Variants in SEL1L3 observed in about 807,000 individuals in gnomAD.
The protein encoded by SEL1L3 is SEL1L family member 3.
SEL1L3 carries 76 observed loss-of-function variants against 142.8 expected under a neutral mutation model. The ratio of observed to expected loss-of-function variants is 0.53; its 90% confidence interval spans 0.44 to 0.64. SEL1L3 has a LOEUF of 0.64. Ranked by LOEUF, SEL1L3 falls within the 30% of genes least tolerant of loss-of-function variation. SEL1L3 has a pLI of 0.00. For synonymous variants in SEL1L3, 504 were observed against 519.6 expected, an observed-to-expected ratio of 0.97 and a Z score of 0.41; for missense variants, 1,262 against 1,381.7, an observed-to-expected ratio of 0.91 and a Z score of 1.37.
At position 25,755,251 on chromosome 4, in the gene SEL1L3, TTTTTATTTTATTTTA is replaced by T. The variant is rs57302921; in HGVS notation, c.3259+2268_3259+2282del. Among the ~76,000 whole-genome samples, 85 of 148,968 alleles carry T rather than the reference TTTTTATTTTATTTTA, an allele frequency of 5.7e-4. 1 individual carries two copies. The highest frequency in any genetic ancestry group is 2.0e-3 in the African/African-American group (80 of 40,050). On this transcript the variant is annotated intron_variant, in intron 23 of 23. Coordinates refer to ENST00000399878, the MANE Select transcript of SEL1L3 (RefSeq NM_015187.5). ...GGCATGTGCAATGACACCTGGCTAA[TTTTTATTTTATTTTA>T]TTTTATTTTATTTTATTTTAGAAAT...
chr4:25,758,803 G>A (rs760169383), intron 21 of SEL1L3, 138 bp downstream of exon 21: 53 of 893,658 alleles, frequency 5.9e-5, no homozygotes, highest in Middle Eastern at 5.6e-4. Flanking sequence ...TATGAGCCAC[G>A]GTGCCCTGCT....
chr4:25,859,852 T>A (rs1234829556), intron 1 of SEL1L3, among the ~76,000 whole-genome samples: 1 of 152,222 alleles, frequency 6.6e-6, no homozygotes, highest in Non-Finnish European at 1.5e-5. Flanking sequence ...TTCTATTCTG[T>A]GGCCTGCGCT....
chr4:25,760,698 C>T (rs1296194398), intron 20 of SEL1L3, among the ~76,000 whole-genome samples: 1 of 152,194 alleles, frequency 6.6e-6, no homozygotes, highest in Non-Finnish European at 1.5e-5. Context: ...TGACCGCAAT[C>T]TAAATGAAAA....
chr4:25,766,643 C>T (rs1463325699), intron 19 of SEL1L3, among the ~76,000 whole-genome samples: 3 of 152,068 alleles, frequency 2.0e-5, no homozygotes, highest in African/African-American at 7.2e-5. Context: ...ACTTGGGGAC[C>T]AGAGGGTGCC....
chr4:25,741,762 T>C, the SEL1L3 span, among the ~76,000 whole-genome samples: 1 of 151,724 alleles, frequency 6.6e-6, no homozygotes, highest in African/African-American at 2.4e-5. Context: ...AGAAATCTTT[T>C]GTCATTCAAA....
chr4:25,850,247 G>A (rs912452492), intron 1 of SEL1L3, among the ~76,000 whole-genome samples: 5 of 152,196 alleles, frequency 3.3e-5, no homozygotes, highest in Non-Finnish European at 7.3e-5. Flanking sequence ...AGGGGGTGGT[G>A]TCTCCCTTTT....
chr4:25,857,302 C>A (rs567981047), intron 1 of SEL1L3, among the ~76,000 whole-genome samples: 1 of 152,176 alleles, frequency 6.6e-6, no homozygotes, highest in African/African-American at 2.4e-5. Flanking sequence ...TGAGAGCTGG[C>A]CAGAGCCACA....
At chr4:25,798,357 G>A (rs1349203607) in intron 11 of SEL1L3, among the ~76,000 whole-genome samples, 1 of 152,126 alleles carries the variant, frequency 6.6e-6, no homozygotes, top group African/African-American at 2.4e-5. Flanking sequence ...ACACATACAC[G>A]TACACATGTA....
intron 14 of SEL1L3, among the ~76,000 whole-genome samples, chr4:25,783,791 C>G (rs929650906): frequency 6.6e-6 from 1 of 152,100 alleles, no homozygotes; most frequent in African/African-American, 2.4e-5. Flanking sequence ...AATAAACAGC[C>G]CTGTTATCAA....
chr4:25,763,256 A>G (rs994297427), intron 20 of SEL1L3, among the ~76,000 whole-genome samples: 1 of 152,174 alleles, frequency 6.6e-6, no homozygotes, highest in Non-Finnish European at 1.5e-5. Context: ...TTCTATAGCA[A>G]ATGCCTTTAG....
chr4:25,812,537 T>C (rs571866790), intron 9 of SEL1L3, among the ~76,000 whole-genome samples: 1 of 151,884 alleles, frequency 6.6e-6, no homozygotes, highest in South Asian at 2.1e-4. Context: ...CTGGCCAACA[T>C]GGCGAAACCC....
chr4:25,754,495 T>A (rs901448218), intron 23 of SEL1L3, among the ~76,000 whole-genome samples: 3 of 151,300 alleles, frequency 2.0e-5, no homozygotes, highest in African/African-American at 7.3e-5. Flanking sequence ...ATTACAGGAG[T>A]GAACCACCAT....
intron 6 of SEL1L3, among the ~76,000 whole-genome samples, chr4:25,822,765 G>A (rs1190133792): frequency 6.6e-6 from 1 of 152,216 alleles, no homozygotes; most frequent in African/African-American, 2.4e-5. Flanking sequence ...GAAACATCAG[G>A]AAGGAAAGGG....
chr4:25,732,751 G>A, the SEL1L3 span, among the ~76,000 whole-genome samples: 2 of 151,730 alleles, frequency 1.3e-5, no homozygotes, highest in African/African-American at 2.4e-5. Context: ...TGTGTGGTGG[G>A]GAGTCGGACA....
the SEL1L3 span, among the ~76,000 whole-genome samples, chr4:25,725,617 G>C: frequency 4.9e-4 from 74 of 152,054 alleles, no homozygotes; most frequent in African/African-American, 1.6e-3. Flanking sequence ...CCCGGCCCTG[G>C]TTGGCTATTT....
the SEL1L3 span, among the ~76,000 whole-genome samples, chr4:25,722,624 C>CTTTTTTTTT: frequency 7.7e-5 from 8 of 103,656 alleles, 1 homozygote; most frequent in East Asian, 2.2e-4. Flanking sequence ...CCAAAGGAGG[C>CTTTTTTTTT]TTTTTTTTTT....
In SEL1L3 at chr4:25,758,932, T is replaced by A; in HGVS notation, c.3083+9A>T. On this transcript the variant is annotated intron_variant, in intron 21 of 23. Coordinates refer to ENST00000399878, the MANE Select transcript of SEL1L3 (RefSeq NM_015187.5). Reference sequence around the variant, plus strand: ...TCAGATTCCACAGTTCTAGAGGCTCTGAGCTCACCTTTCGTACAGTTCCTG... The same window carrying A: ...TCAGATTCCACAGTTCTAGAGGCTCAGAGCTCACCTTTCGTACAGTTCCTG... The A allele has an allele frequency of 6.2e-7, 1 of 1,611,942 alleles. No homozygotes were observed. The highest frequency in any genetic ancestry group is 1.3e-5 in the African/African-American group (1 of 74,972).
intron 2 of SEL1L3, among the ~76,000 whole-genome samples, chr4:25,841,434 T>G (rs1474192811): frequency 6.6e-6 from 1 of 152,254 alleles, no homozygotes; most frequent in Non-Finnish European, 1.5e-5. Flanking sequence ...ACACACAGAT[T>G]GCTCAGGAAC....
intron 11 of SEL1L3, among the ~76,000 whole-genome samples, chr4:25,792,312 G>A (rs537291467): frequency 1.3e-3 from 199 of 152,166 alleles, no homozygotes; most frequent in Non-Finnish European, 2.5e-3. Flanking sequence ...TGAACTCCAG[G>A]TGAAACTATA....
Sources: allele counts gnomAD v4.1 joint callset (sites outside exome capture counted in the v4.1 genomes callset), GRCh38; gene constraint gnomAD v4.1.1; transcripts MANE v1.5; gene names NCBI Gene and HGNC (gene_info 2026-07-23, HGNC 2026-07-21).